SMCO1: variants seen among roughly 807,000 people sequenced by gnomAD.
SMCO1 encodes the protein single-pass membrane protein with coiled-coil domains 1.
SMCO1 carries 9 observed loss-of-function variants against 7.5 expected under a neutral mutation model. That is an observed-to-expected ratio of 1.20 (90% CI 0.72 to 2.09). The LOEUF is 2.09. Ranked by LOEUF, SMCO1 falls within the 30% of genes most tolerant of loss-of-function variation. SMCO1 has a pLI of 0.00. For synonymous variants in SMCO1, 90 were observed against 93.8 expected, an observed-to-expected ratio of 0.96 and a Z score of 0.23; for missense variants, 219 against 253.1, an observed-to-expected ratio of 0.87 and a Z score of 0.91.
Position 196,507,691 on chromosome 3 carries a change from A to G in SMCO1, c.*196T>C. 1 of 518,104 alleles carries G rather than the reference A, an allele frequency of 1.9e-6. No individual in the cohort carries two copies. The highest frequency in any genetic ancestry group is 3.4e-6 in the Non-Finnish European group (1 of 290,638). 32.1% of individuals were successfully genotyped at this position (518,104 alleles called of 1,614,324 possible). ...CAACAATACATTTGGTGATCACTTCATATCATTACACAAAGAGCTTCTTCA... is the reference window on the plus strand; with the variant it reads ...CAACAATACATTTGGTGATCACTTCGTATCATTACACAAAGAGCTTCTTCA... On this transcript the variant is annotated 3_prime_UTR_variant, in exon 3 of 3. Coordinates refer to ENST00000397537, the MANE Select transcript of SMCO1 (RefSeq NM_001077657.3).
At chr3:196,509,328 T>C (rs912431112) in intron 2 of SMCO1, among the ~76,000 whole-genome samples, 192 bp downstream of exon 2, 2 of 151,560 alleles carry the variant, frequency 1.3e-5, no homozygotes, top group African/African-American at 4.9e-5. Context: ...CCTCCCAAAG[T>C]GCTGGGATTA....
intron 1 of SMCO1, among the ~76,000 whole-genome samples, chr3:196,511,375 G>A (rs1399620332): frequency 3.8e-5 from 5 of 133,134 alleles, no homozygotes; most frequent in Admixed American, 7.6e-5. Context: ...AACCTGCCTG[G>A]GCCACCTAGA....
upstream of SMCO1, among the ~76,000 whole-genome samples, chr3:196,515,932 G>A (rs1259565989): frequency 2.9e-5 from 4 of 138,520 alleles, no homozygotes; most frequent in South Asian, 2.3e-4. Context: ...CCAGGAGTTC[G>A]AAGCTGCAGT....
chr3:196,515,044 G>A, intron 1 of SMCO1, 116 bp downstream of exon 1: 1 of 1,299,672 alleles, frequency 7.7e-7, no homozygotes, highest in African/African-American at 1.5e-5. Flanking sequence ...CGGCCACAGA[G>A]ACAGAATTCT....
Position 196,508,058 on chromosome 3 carries a change from C to T in SMCO1, c.474G>A (p.Arg158=), listed in dbSNP as rs79219426. The change falls in exon 3 of 3, where the codon AGG becomes AGA. Residue 158 remains arginine, a synonymous_variant. Transcript: ENST00000397537. ...ACGTGACATCCCTGATGTACATCTGCCTCACTTTAGCAGTATAGTGTTCTG... is the reference window on the plus strand; with the variant it reads ...ACGTGACATCCCTGATGTACATCTGTCTCACTTTAGCAGTATAGTGTTCTG... ...NKAEHYTAKV[R]QMYIRDVTFL... 1,518 of 1,614,176 alleles carry T rather than the reference C, an allele frequency of 9.4e-4. 9 individuals carry two copies. The African/African-American group carries it at 0.017, about 18-fold the overall frequency.
At chr3:196,512,507 TTC>T (rs1171026040) in intron 1 of SMCO1, among the ~76,000 whole-genome samples, 1 of 141,746 alleles carries the variant, frequency 7.1e-6, no homozygotes, top group African/African-American at 3.0e-5. Flanking sequence ...TGTATTTCCT[TTC>T]TTTTTTTTTT....
chr3:196,507,745 C>T lies in SMCO1; in HGVS notation c.*142G>A. ...TTTTATATGGCTGCAAAGAAAGTATCTATTGTATCAATTTGTCATAATTTA... is the reference window on the plus strand; with the variant it reads ...TTTTATATGGCTGCAAAGAAAGTATTTATTGTATCAATTTGTCATAATTTA... On this transcript the variant is annotated 3_prime_UTR_variant, in exon 3 of 3. Transcript: ENST00000397537. The T allele has an allele frequency of 1.6e-6, 1 of 608,408 alleles. No homozygotes were observed. Among genetic ancestry groups the T allele is most frequent in the East Asian group, 2.8e-5 (1 of 36,056 alleles). The allele number at this position is 608,408 out of a possible 1,614,324, so 37.7% of individuals were successfully genotyped here.
rs566948858 is a variant in SMCO1 at position 196,513,811 on chromosome 3, C to T, written c.50+1349G>A. Among the ~76,000 whole-genome samples the T allele has an allele frequency of 5.3e-5, 8 of 152,190 alleles. No homozygotes were observed. In the South Asian group the frequency reaches 6.2e-4, roughly 12 times the overall value. Reference sequence around the variant, plus strand: ...GGAATCCTCTCACCAAAGGACAGTCCGAGGCCGTTCCAGATAAATCTCAAC... The same window carrying T: ...GGAATCCTCTCACCAAAGGACAGTCTGAGGCCGTTCCAGATAAATCTCAAC... On this transcript the variant is annotated intron_variant, in intron 1 of 2. Transcript: ENST00000397537.
upstream of SMCO1, among the ~76,000 whole-genome samples, chr3:196,515,643 T>C (rs767439577): frequency 3.3e-5 from 5 of 152,056 alleles, no homozygotes; most frequent in Admixed American, 1.3e-4. Flanking sequence ...GTTTGAAGAG[T>C]GCCCCAGATC....
At chr3:196,519,856 C>T (rs1191755332), upstream of SMCO1, among the ~76,000 whole-genome samples, 1 of 152,146 alleles carries the variant, frequency 6.6e-6, no homozygotes, top group Non-Finnish European at 1.5e-5. Flanking sequence ...GGTTCCATGG[C>T]TTGGAGAGTC....
upstream of SMCO1, among the ~76,000 whole-genome samples, chr3:196,517,879 G>A (rs1733423947): frequency 6.6e-6 from 1 of 152,132 alleles, no homozygotes; most frequent in African/African-American, 2.4e-5. Flanking sequence ...GGGTAAAAGA[G>A]TCCTCAGTAA....
At chr3:196,518,995 A>G (rs2108666111), upstream of SMCO1, among the ~76,000 whole-genome samples, 1 of 152,348 alleles carries the variant, frequency 6.6e-6, no homozygotes, top group African/African-American at 2.4e-5. Context: ...ATTTCTGGCC[A>G]GTGCACACCC....
intron 1 of SMCO1, among the ~76,000 whole-genome samples, chr3:196,512,449 C>G (rs1244652466): frequency 1.3e-5 from 2 of 151,750 alleles, no homozygotes; most frequent in Non-Finnish European, 2.9e-5. Context: ...AAATTTCTCC[C>G]TAGGCTAATT....
chr3:196,516,685 G>A (rs1015514953), upstream of SMCO1, among the ~76,000 whole-genome samples: 10 of 152,230 alleles, frequency 6.6e-5, no homozygotes, highest in East Asian at 1.9e-4. Flanking sequence ...TAAGTAAGGC[G>A]AAATCCTTGT....
Position 196,512,561 on chromosome 3 carries a change from G to A in SMCO1, c.50+2599C>T, listed in dbSNP as rs536769192. ...GGAGTCTTGCTCTGTCGCCAGGCTG[G>A]AGTACAGTGGCACGATCCTGGCTCA... On this transcript the variant is annotated intron_variant, in intron 1 of 2. Coordinates refer to ENST00000397537, the MANE Select transcript of SMCO1 (RefSeq NM_001077657.3). Among the ~76,000 whole-genome samples the A allele has an allele frequency of 5.3e-4, 75 of 140,866 alleles. 1 individual carries two copies. In the East Asian group the frequency reaches 0.013, roughly 25 times the overall value. The allele number at this position is 140,866 out of a possible 152,430, so 92.4% of individuals were successfully genotyped here.
upstream of SMCO1, among the ~76,000 whole-genome samples, chr3:196,520,090 C>T (rs1401871990): frequency 1.3e-5 from 2 of 152,208 alleles, no homozygotes; most frequent in African/African-American, 2.4e-5. Context: ...AACGCTGGGA[C>T]TTCTTCAACC....
chr3:196,509,790 TTTAC>T, intron 1 of SMCO1, 121 bp from the exon 2 acceptor site: 3 of 783,926 alleles, frequency 3.8e-6, no homozygotes, highest in Non-Finnish European at 5.8e-6. Context: ...CTTTTTTTTT[TTTAC>T]TTTTACTTTA....
In SMCO1 at chr3:196,507,844, A is replaced by T. The variant is rs111869058; in HGVS notation, c.*43T>A. 7.7e-7 allele frequency: 1 copy of T among 1,297,498 alleles called. No individual in the cohort carries two copies. Among genetic ancestry groups the T allele is most frequent in the South Asian group, 1.3e-5 (1 of 74,550 alleles). 80.4% of individuals were successfully genotyped at this position (1,297,498 alleles called of 1,614,324 possible). A position where few individuals can be genotyped will look rare whatever the true frequency, so the allele number is the denominator to read the frequency against. On this transcript the variant is annotated 3_prime_UTR_variant, in exon 3 of 3. Coordinates refer to ENST00000397537, the MANE Select transcript of SMCO1 (RefSeq NM_001077657.3). ...GTGCATACTTTTTGCTGTTTCCAAG[A>T]TAAATTACTGTAGGTGGAATCACTG...
intron 1 of SMCO1, among the ~76,000 whole-genome samples, chr3:196,510,771 A>G (rs550532997): frequency 1.4e-4 from 22 of 152,254 alleles, no homozygotes; most frequent in African/African-American, 4.6e-4. Context: ...TTAGCCTTTC[A>G]TGAACTAAAC....
Sources: allele counts gnomAD v4.1 joint callset (sites outside exome capture counted in the v4.1 genomes callset), GRCh38; gene constraint gnomAD v4.1.1; transcripts MANE v1.5; gene names NCBI Gene and HGNC (gene_info 2026-07-23, HGNC 2026-07-21).